Variants in AGBL4 observed in about 807,000 individuals in gnomAD.
AGBL4 encodes AGBL carboxypeptidase 4.
In AGBL4, 58 loss-of-function variants were observed where a neutral mutation model predicts 66.4. The observed-to-expected ratio is 0.87, with a 90% CI of 0.71 to 1.09. The LOEUF is 1.09. Among genes scored for constraint, AGBL4 ranks in the 50% least tolerant of loss-of-function variants. AGBL4 has a pLI of 0.00. For synonymous variants in AGBL4, 234 were observed against 222.9 expected (o/e 1.05, Z -0.44); for missense variants, 579 against 631.0 (o/e 0.92, Z 0.88).
At chr1:49,489,494 C>T (rs532753556) in intron 3 of AGBL4, among the ~76,000 whole-genome samples, 11 of 151,734 alleles carry the variant, frequency 7.2e-5, no homozygotes, top group Non-Finnish European at 1.5e-4. Context: ...TCCCTCTCCA[C>T]TTTCTTGATT....
At chr1:49,170,542 CATT>C (rs1364644796) in intron 4 of AGBL4, among the ~76,000 whole-genome samples, 1 of 142,514 alleles carries the variant, frequency 7.0e-6, no homozygotes, top group Non-Finnish European at 1.5e-5. Context: ...TAAATATATA[CATT>C]AATATACAAA....
At chr1:49,990,166 G>T (rs1347456434) in intron 1 of AGBL4, among the ~76,000 whole-genome samples, 1 of 152,142 alleles carries the variant, frequency 6.6e-6, no homozygotes, top group South Asian at 2.1e-4. Context: ...TTTTTATAAT[G>T]ACACTAAGTA....
At chr1:48,935,975 A>G (rs984473488) in intron 5 of AGBL4, among the ~76,000 whole-genome samples, 7,252 of 116,714 alleles carry the variant, frequency 0.062, 667 homozygotes, top group Non-Finnish European at 0.088. Flanking sequence ...AAAAAAAAAA[A>G]AAAAAAAAAA....
At chr1:50,002,304 G>C (rs991585124) in intron 1 of AGBL4, among the ~76,000 whole-genome samples, 1 of 149,158 alleles carries the variant, frequency 6.7e-6, no homozygotes, top group East Asian at 2.0e-4. Context: ...AGTGTTAGCT[G>C]AGAAATTGTA....
intron 3 of AGBL4, among the ~76,000 whole-genome samples, chr1:49,430,956 A>G (rs1645772686): frequency 6.6e-6 from 1 of 152,202 alleles, no homozygotes; most frequent in African/African-American, 2.4e-5. Context: ...ATATTGTTGC[A>G]CATAGGTGTA....
chr1:49,266,763 T>C lies in AGBL4; in HGVS notation c.283-20899A>G, dbSNP rs547274398. Among the ~76,000 whole-genome samples the C allele has an allele frequency of 1.6e-3, 241 of 152,078 alleles. 4 individuals are homozygous for C. Among genetic ancestry groups the C allele is most frequent in the African/African-American group, 5.6e-3 (234 of 41,470 alleles). On this transcript the variant is annotated intron_variant, in intron 3 of 13. Transcript: ENST00000371839. Reference sequence around the variant, plus strand: ...GGGAGCAACAAGAACAAAGGCTAAGTGGTAATTCTGGGGCTGGGTAGGGCA... The same window carrying C: ...GGGAGCAACAAGAACAAAGGCTAAGCGGTAATTCTGGGGCTGGGTAGGGCA...
rs372330996 is a variant in AGBL4, at chr1:49,100,455, G to A, written c.378-54655C>T. On this transcript the variant is annotated intron_variant, in intron 4 of 13. Coordinates refer to ENST00000371839, the MANE Select transcript of AGBL4 (RefSeq NM_032785.4). ...GGGGCAATATGTCGTCTTCAAAGGA[G>A]AATCTGGATGGTGCATCATTGTGTC... Among the ~76,000 whole-genome samples the A allele has an allele frequency of 9.2e-5, 14 of 152,344 alleles. No homozygotes were observed. In the East Asian group the frequency reaches 1.5e-3, roughly 17 times the overall value.
At chr1:48,597,664 GAGA>G (rs1645013945) in intron 9 of AGBL4, among the ~76,000 whole-genome samples, 1 of 136,448 alleles carries the variant, frequency 7.3e-6, no homozygotes, top group African/African-American at 2.7e-5. Flanking sequence ...AGAGAACAGG[GAGA>G]AGGAGAGGGA....
intron 11 of AGBL4, among the ~76,000 whole-genome samples, chr1:48,549,778 T>G (rs1644221833): frequency 6.8e-6 from 1 of 146,870 alleles, no homozygotes; most frequent in African/African-American, 2.5e-5. Context: ...CTGAAAGAGG[T>G]GTGAGAGAGA....
chr1:49,740,007 T>A (rs896546517), intron 2 of AGBL4, among the ~76,000 whole-genome samples: 10 of 152,000 alleles, frequency 6.6e-5, no homozygotes, highest in Non-Finnish European at 1.5e-4. Context: ...ACAAGCAAAA[T>A]AACCAGCTAA....
At chr1:48,958,204 A>G (rs549015247) in intron 5 of AGBL4, among the ~76,000 whole-genome samples, 1 of 152,206 alleles carries the variant, frequency 6.6e-6, no homozygotes, top group East Asian at 1.9e-4. Context: ...TTCATGTGCC[A>G]TTAACACCTG....
chr1:48,941,707 G>A (rs752856989), intron 5 of AGBL4, among the ~76,000 whole-genome samples: 4 of 152,152 alleles, frequency 2.6e-5, no homozygotes, highest in Non-Finnish European at 4.4e-5. Flanking sequence ...TATTAACAAG[G>A]TGATGAATTT....
intron 3 of AGBL4, among the ~76,000 whole-genome samples, chr1:49,585,472 G>A (rs897086334): frequency 6.6e-6 from 1 of 152,042 alleles, no homozygotes; most frequent in Non-Finnish European, 1.5e-5. Context: ...ATCAGAGGGT[G>A]GCCTCCAGCC....
chr1:49,753,340 C>A (rs946677358), intron 2 of AGBL4, among the ~76,000 whole-genome samples: 1 of 152,178 alleles, frequency 6.6e-6, no homozygotes, highest in Non-Finnish European at 1.5e-5. Context: ...CTTAGATTGG[C>A]TAAATGTGAA....
Position 48,539,706 on chromosome 1 carries a change from A to G in AGBL4, c.1300T>C (p.Phe434Leu). ...GGGTTCAGCCGATAATAGTCCAAAA[A>G]GGTTCTTGCCACATTCCGCCCCAGC... ...MKLGRNVART[F>L]LDYYRLNPVV... The change falls in exon 12 of 14, where the codon TTT (phenylalanine) becomes CTT (leucine). Residue 434 changes from phenylalanine (F) to leucine (L), a missense_variant. Physicochemically the swap from Phe to Leu is conservative, Grantham distance 22. Transcript: ENST00000371839. The G allele has an allele frequency of 1.3e-6, 2 of 1,544,994 alleles. No individual in the cohort carries two copies. Among genetic ancestry groups the G allele is most frequent in the Non-Finnish European group, 1.8e-6 (2 of 1,142,490 alleles).
intron 3 of AGBL4, among the ~76,000 whole-genome samples, chr1:49,467,485 A>G (rs1646655138): frequency 6.6e-6 from 1 of 151,732 alleles, no homozygotes; most frequent in Non-Finnish European, 1.5e-5. Context: ...AGGGGCAGTA[A>G]TTATCTATCT....
At chr1:49,084,472 G>A (rs1434373115) in intron 4 of AGBL4, among the ~76,000 whole-genome samples, 1 of 152,140 alleles carries the variant, frequency 6.6e-6, no homozygotes, top group African/African-American at 2.4e-5. Flanking sequence ...ATTACAGCAG[G>A]CAAGAGTGCT....
At chr1:49,963,015 G>A (rs1188134928) in intron 1 of AGBL4, among the ~76,000 whole-genome samples, 1 of 152,076 alleles carries the variant, frequency 6.6e-6, no homozygotes. Flanking sequence ...AAAGTGACTG[G>A]TTATCTTCTG....
At chr1:49,180,578 G>C (rs1236658071) in intron 4 of AGBL4, among the ~76,000 whole-genome samples, 1 of 152,134 alleles carries the variant, frequency 6.6e-6, no homozygotes, top group Non-Finnish European at 1.5e-5. Flanking sequence ...CTGAATTATT[G>C]AATTGGGTCT....
Sources: allele counts gnomAD v4.1 joint callset (sites outside exome capture counted in the v4.1 genomes callset), GRCh38; gene constraint gnomAD v4.1.1; transcripts MANE v1.5; gene names NCBI Gene and HGNC (gene_info 2026-07-23, HGNC 2026-07-21).